The following MICU1 variants were observed in gnomAD, a reference collection of about 807,000 sequenced individuals.
The protein encoded by MICU1 is calcium uptake protein 1, mitochondrial.
A neutral mutation model predicts 56.8 loss-of-function variants in MICU1; 45 were observed. The observed-to-expected ratio is 0.79, with a 90% CI of 0.62 to 1.02. The LOEUF is 1.02. MICU1 is among the 50% of genes least tolerant of loss of function. The pLI is 0.00. For missense variants in MICU1, 504 were observed against 587.1 expected (o/e 0.86, Z 1.46); for synonymous variants, 186 against 195.1 (o/e 0.95, Z 0.39).
intron 5 of MICU1, chr10:72,533,138 A>C: frequency 7.8e-7 from 1 of 1,289,926 alleles, no homozygotes; most frequent in Non-Finnish European, 1.0e-6. Context: ...ACCCTGTGTA[A>C]TATTTTCTTT....
intron 4 of MICU1, among the ~76,000 whole-genome samples, chr10:72,537,055 TA>T (rs1274408327): frequency 2.0e-5 from 3 of 152,136 alleles, no homozygotes; most frequent in Non-Finnish European, 4.4e-5. Flanking sequence ...TTCATTATAT[TA>T]AAAAAATGGT....
At chr10:72,565,356 G>A (rs1258294317) in intron 2 of MICU1, among the ~76,000 whole-genome samples, 4 of 151,860 alleles carry the variant, frequency 2.6e-5, no homozygotes, top group Non-Finnish European at 5.9e-5. Flanking sequence ...GGATGAAGCT[G>A]GAAACCATCA....
At chr10:72,598,878 T>C (rs1217925416) in intron 1 of MICU1, among the ~76,000 whole-genome samples, 1 of 152,176 alleles carries the variant, frequency 6.6e-6, no homozygotes, top group Non-Finnish European at 1.5e-5. Context: ...TTCTCCTTAC[T>C]CCTTTTCTTC....
intron 1 of MICU1, among the ~76,000 whole-genome samples, chr10:72,578,582 T>A (rs993191373): frequency 7.9e-5 from 12 of 151,940 alleles, no homozygotes; most frequent in African/African-American, 2.9e-4. Context: ...GTATTTTTAA[T>A]TAAGGCATGT....
chr10:72,468,338 C>T (rs1865857283), intron 8 of MICU1, among the ~76,000 whole-genome samples: 1 of 150,802 alleles, frequency 6.6e-6, no homozygotes, highest in South Asian at 2.1e-4. Flanking sequence ...CCCCCCTTAC[C>T]CCTCTCAAAT....
intron 7 of MICU1, among the ~76,000 whole-genome samples, chr10:72,476,769 C>A (rs774002913): frequency 3.3e-5 from 5 of 152,110 alleles, no homozygotes; most frequent in Non-Finnish European, 5.9e-5. Context: ...CTACTATAGT[C>A]AAAAATGGTA....
chr10:72,495,558 G>C (rs7902329), intron 6 of MICU1, among the ~76,000 whole-genome samples: 8,104 of 151,402 alleles, frequency 0.054, 741 homozygotes, highest in African/African-American at 0.19. Context: ...TGGAAGCTGA[G>C]GCAGGAGAAT....
intron 1 of MICU1, among the ~76,000 whole-genome samples, chr10:72,594,119 C>A (rs1195373171): frequency 1.3e-5 from 2 of 152,174 alleles, no homozygotes; most frequent in African/African-American, 4.8e-5. Flanking sequence ...GAACTTATTA[C>A]AAAGCTTGAG....
chr10:72,440,240 A>G (rs912006198), intron 8 of MICU1, among the ~76,000 whole-genome samples: 4 of 152,196 alleles, frequency 2.6e-5, no homozygotes, highest in Admixed American at 2.6e-4. Flanking sequence ...CTCAGAAATA[A>G]CACCATACAT....
At chr10:72,623,747 G>A (rs1347092736) in intron 1 of MICU1, among the ~76,000 whole-genome samples, 1 of 151,898 alleles carries the variant, frequency 6.6e-6, no homozygotes, top group Non-Finnish European at 1.5e-5. Flanking sequence ...GCTGAAGCAG[G>A]AGAATTGCTT....
rs76380954 is a variant in MICU1, at chr10:72,532,425, T to C, written c.537+1321A>G. 9.7e-3 allele frequency among the ~76,000 whole-genome samples: 1,484 copies of C among 152,310 alleles called. 17 individuals are homozygous for C. Among genetic ancestry groups the C allele is most frequent in the Non-Finnish European group, 0.016 (1,096 of 68,004 alleles). ...GTGATTGACTACTGTAGTTAATTTT[T>C]TGCAAGTCATTAAACATTTATTGTT... On this transcript the variant is annotated intron_variant, in intron 5 of 11. Transcript: ENST00000361114.
intron 10 of MICU1, among the ~76,000 whole-genome samples, chr10:72,382,885 G>A (rs1244951269): frequency 1.3e-5 from 2 of 152,188 alleles, no homozygotes; most frequent in African/African-American, 2.4e-5. Flanking sequence ...CTCCAGCCTG[G>A]GCGACAGAGC....
intron 6 of MICU1, among the ~76,000 whole-genome samples, chr10:72,488,133 C>T (rs999584417): frequency 8.1e-5 from 12 of 148,164 alleles, no homozygotes; most frequent in South Asian, 6.3e-4. Context: ...GCAGAGGTTG[C>T]GGTGAGCTGA....
At chr10:72,370,822 G>A (rs1347179919) in intron 11 of MICU1, among the ~76,000 whole-genome samples, 2 of 150,820 alleles carry the variant, frequency 1.3e-5, no homozygotes, top group Non-Finnish European at 3.0e-5. Context: ...CTTAAGGCCC[G>A]GAGTTCAAGA....
rs76304423 is a variant in MICU1, at chr10:72,376,829, C to T, written c.1181-957G>A. ...AATGTAATTAATGTAATTCCACTGA[C>T]TTGTATATTTAAAAATGGTTATAAT... On this transcript the variant is annotated intron_variant, in intron 10 of 11. Transcript: ENST00000361114. Among the ~76,000 whole-genome samples, 777 of 151,628 alleles carry T rather than the reference C, an allele frequency of 5.1e-3. 6 individuals carry two copies. Among genetic ancestry groups the T allele is most frequent in the Non-Finnish European group, 9.1e-3 (615 of 67,922 alleles).
At chr10:72,458,082 G>A (rs778961695) in intron 8 of MICU1, among the ~76,000 whole-genome samples, 19 of 151,752 alleles carry the variant, frequency 1.3e-4, no homozygotes, top group African/African-American at 3.6e-4. Flanking sequence ...CAGGAGAGTC[G>A]CTTGAACCTG....
chr10:72,399,681 G>A (rs1402215402), intron 10 of MICU1, among the ~76,000 whole-genome samples: 2 of 151,962 alleles, frequency 1.3e-5, no homozygotes, highest in Non-Finnish European at 2.9e-5. Context: ...ATAAATTTGA[G>A]GCCGGGTGCA....
chr10:72,467,471 C>T (rs1330889335), intron 8 of MICU1, among the ~76,000 whole-genome samples: 1 of 152,102 alleles, frequency 6.6e-6, no homozygotes, highest in Non-Finnish European at 1.5e-5. Context: ...GCATGAGCCA[C>T]CACTCCCGGC....
intron 6 of MICU1, among the ~76,000 whole-genome samples, chr10:72,484,725 G>A (rs560187830): frequency 9.9e-5 from 15 of 152,184 alleles, no homozygotes; most frequent in South Asian, 8.3e-4. Flanking sequence ...ACTGTGCTCC[G>A]GCCTGGGCAA....
Sources: allele counts gnomAD v4.1 joint callset (sites outside exome capture counted in the v4.1 genomes callset), GRCh38; gene constraint gnomAD v4.1.1; transcripts MANE v1.5; gene names NCBI Gene and HGNC (gene_info 2026-07-23, HGNC 2026-07-21).